Variants in XXYLT1 observed in about 807,000 individuals in gnomAD.
XXYLT1 encodes the protein UDP-xylose:alpha-xyloside alpha-1,3-xylosyltransferase.
XXYLT1 carries 20 observed loss-of-function variants against 28.9 expected under a neutral mutation model. The observed-to-expected ratio is 0.69, with a 90% confidence interval of 0.49 to 1.00. The LOEUF is 1.00. XXYLT1 is among the 50% of genes least tolerant of loss of function. The pLI is 0.00. For missense variants in XXYLT1, 542 were observed against 560.1 expected, an observed-to-expected ratio of 0.97 and a Z score of 0.33; for synonymous variants, 257 against 253.8, an observed-to-expected ratio of 1.01 and a Z score of -0.12.
chr3:195,264,884 T>C (rs1326992470), intron 1 of XXYLT1, among the ~76,000 whole-genome samples: 2 of 152,010 alleles, frequency 1.3e-5, no homozygotes, highest in African/African-American at 4.8e-5. Context: ...TGAGATCCCA[T>C]CTCTACAAAA....
chr3:195,256,611 C>T lies in XXYLT1; in HGVS notation c.504+13944G>A. The T allele has an allele frequency of 4.1e-6, 4 of 980,356 alleles. No individual in the cohort carries two copies. Among genetic ancestry groups the T allele is most frequent in the Non-Finnish European group, 4.8e-6 (4 of 825,276 alleles). 60.7% of individuals were successfully genotyped at this position (980,356 alleles called of 1,614,324 possible). A position where few individuals can be genotyped will look rare whatever the true frequency, so the allele number is the denominator to read the frequency against. Reference sequence around the variant, plus strand: ...GGATGGGGTCTGGAAAGGGCATGAGCTCTGTAAGCCCCCAGCACTGTTTAT... The same window carrying T: ...GGATGGGGTCTGGAAAGGGCATGAGTTCTGTAAGCCCCCAGCACTGTTTAT... On this transcript the variant is annotated intron_variant, in intron 1 of 3. Transcript: ENST00000310380. This position sits in a 1 kb window ranked among gnomAD's most constrained non-coding sequence, Gnocchi z 4.2.
Position 195,124,626 on chromosome 3 carries a change from C to T in XXYLT1, c.785+31823G>A, listed in dbSNP as rs1718523647. Among the ~76,000 whole-genome samples the T allele has an allele frequency of 6.6e-6, 1 of 152,188 alleles. No homozygotes were observed. The highest frequency in any genetic ancestry group is 1.5e-5 in the Non-Finnish European group (1 of 68,020). On this transcript the variant is annotated intron_variant, in intron 3 of 3. Coordinates refer to ENST00000310380, the MANE Select transcript of XXYLT1 (RefSeq NM_152531.5). This position sits in a 1 kb window ranked among gnomAD's most constrained non-coding sequence, Gnocchi z 4.1. ...GCAGGCAGTGCTCAGGAAATATTTGCTGACAGACTGATAAACTAATGAGCA... is the reference window on the plus strand; with the variant it reads ...GCAGGCAGTGCTCAGGAAATATTTGTTGACAGACTGATAAACTAATGAGCA...
At chr3:195,219,489 G>C (rs1723726315) in intron 2 of XXYLT1, among the ~76,000 whole-genome samples, 1 of 152,252 alleles carries the variant, frequency 6.6e-6, no homozygotes, top group Admixed American at 6.5e-5. Flanking sequence ...AGGCAGGCAG[G>C]AAGGGAAGAA....
chr3:195,087,584 C>T (rs1560087120), intron 3 of XXYLT1, among the ~76,000 whole-genome samples: 1 of 152,206 alleles, frequency 6.6e-6, no homozygotes, highest in Non-Finnish European at 1.5e-5. Flanking sequence ...CCTGGGCTTA[C>T]CCAGAACAGC....
chr3:195,236,905 G>A (rs1560167908), intron 1 of XXYLT1, among the ~76,000 whole-genome samples: 2 of 152,226 alleles, frequency 1.3e-5, no homozygotes, highest in Middle Eastern at 3.4e-3. Flanking sequence ...TCTAGGGCAT[G>A]GAATGGGGGC....
At chr3:195,107,571 AGGGGG>A (rs1560098358) in intron 3 of XXYLT1, among the ~76,000 whole-genome samples, 603 of 15,478 alleles carry the variant, frequency 0.039, 119 homozygotes, top group African/African-American at 0.13. Flanking sequence ...GGAGAGGAGG[AGGGGG>A]AGGAGGAGGG....
At chr3:195,103,985 T>C (rs1230423523) in intron 3 of XXYLT1, among the ~76,000 whole-genome samples, 2 of 152,186 alleles carry the variant, frequency 1.3e-5, no homozygotes, top group African/African-American at 2.4e-5. Context: ...TTTAAGTCTG[T>C]TGTTTGGAAT....
At chr3:195,200,358 A>T (rs1190438835) in intron 2 of XXYLT1, among the ~76,000 whole-genome samples, 1 of 152,220 alleles carries the variant, frequency 6.6e-6, no homozygotes, top group African/African-American at 2.4e-5. Context: ...ATAAATGACC[A>T]TTCCCACTGC....
intron 3 of XXYLT1, among the ~76,000 whole-genome samples, chr3:195,122,966 C>T (rs1201993849): frequency 6.6e-6 from 1 of 152,180 alleles, no homozygotes; most frequent in African/African-American, 2.4e-5. Flanking sequence ...GGTTCTGCAA[C>T]GAACCAGCTT....
intron 3 of XXYLT1, among the ~76,000 whole-genome samples, chr3:195,092,892 A>C (rs1716192387): frequency 9.0e-6 from 1 of 110,988 alleles, no homozygotes; most frequent in Non-Finnish European, 1.7e-5. Context: ...TACTTCTCAA[A>C]AGAAGACATT....
chr3:195,075,018 G>A (rs1040848129), intron 3 of XXYLT1, among the ~76,000 whole-genome samples: 1 of 152,194 alleles, frequency 6.6e-6, no homozygotes, highest in South Asian at 2.1e-4. Flanking sequence ...TTGGGAGGCC[G>A]AGGTGGGCGG....
chr3:195,180,319 G>T lies in XXYLT1; in HGVS notation c.653-23738C>A. The T allele has an allele frequency of 1.0e-6, 1 of 985,402 alleles. No homozygotes were observed. The highest frequency in any genetic ancestry group is 1.2e-6 in the Non-Finnish European group (1 of 829,918). The allele number at this position is 985,402 out of a possible 1,614,324, so 61.0% of individuals were successfully genotyped here. ...TCCATCCTGGGGACCCAACTCATGA[G>T]GGCCCAGAAGGAAGGAGCCACAAAG... On this transcript the variant is annotated intron_variant, in intron 2 of 3. Coordinates refer to ENST00000310380, the MANE Select transcript of XXYLT1 (RefSeq NM_152531.5). This position sits in a 1 kb window ranked among gnomAD's most constrained non-coding sequence, Gnocchi z 5.8.
intron 2 of XXYLT1, among the ~76,000 whole-genome samples, chr3:195,206,021 A>AT (rs777561871): frequency 0.028 from 3,453 of 125,402 alleles, 104 homozygotes; most frequent in African/African-American, 0.05. Context: ...TTAAAGTTTA[A>AT]TTTTTTTTTT....
At chr3:195,099,458 A>G (rs762000069) in intron 3 of XXYLT1, among the ~76,000 whole-genome samples, 22 of 152,168 alleles carry the variant, frequency 1.4e-4, no homozygotes, top group African/African-American at 3.1e-4. Flanking sequence ...AGTAAAATCC[A>G]TTCTCCATAA....
chr3:195,138,577 G>T (rs1293599254), intron 3 of XXYLT1, among the ~76,000 whole-genome samples: 2 of 152,186 alleles, frequency 1.3e-5, no homozygotes, highest in Non-Finnish European at 2.9e-5. Context: ...TGGGCTGGAG[G>T]CCAGGTGCAG....
intron 2 of XXYLT1, among the ~76,000 whole-genome samples, chr3:195,222,993 G>A (rs901318141): frequency 6.6e-6 from 1 of 152,114 alleles, no homozygotes; most frequent in African/African-American, 2.4e-5. Flanking sequence ...GGAGGCCAAA[G>A]CGGGCAGATC....
chr3:195,209,099 C>T lies in XXYLT1; in HGVS notation c.652+17610G>A, dbSNP rs115579546. Among the ~76,000 whole-genome samples, 46 of 152,348 alleles carry T rather than the reference C, an allele frequency of 3.0e-4. No homozygotes were observed. Among genetic ancestry groups the T allele is most frequent in the African/African-American group, 1.1e-3 (44 of 41,596 alleles). On this transcript the variant is annotated intron_variant, in intron 2 of 3. Transcript: ENST00000310380. The surrounding 1 kb of genome is among the most constrained non-coding windows in gnomAD (Gnocchi z 5.0). ...CCCACCTCCCCTTACGTGGCTCACT[C>T]GCCTCTCAGGGGGAAGCTATCTCCC...
chr3:195,202,291 C>T (rs1333207188), intron 2 of XXYLT1, among the ~76,000 whole-genome samples: 2 of 151,954 alleles, frequency 1.3e-5, no homozygotes, highest in Non-Finnish European at 2.9e-5. Context: ...AGACACTGTC[C>T]CCCAGTCACA....
intron 2 of XXYLT1, among the ~76,000 whole-genome samples, chr3:195,198,041 A>G (rs535744292): frequency 2.6e-5 from 4 of 152,356 alleles, no homozygotes; most frequent in African/African-American, 9.6e-5. Flanking sequence ...AAATCGGACT[A>G]GCAGAAGTGT....
Sources: allele counts gnomAD v4.1 joint callset (sites outside exome capture counted in the v4.1 genomes callset), GRCh38; gene constraint gnomAD v4.1.1; non-coding constraint Gnocchi (gnomAD v3.1); transcripts MANE v1.5; gene names NCBI Gene and HGNC (gene_info 2026-07-23, HGNC 2026-07-21).